ADGRG4: variants seen among roughly 807,000 people sequenced by gnomAD.
The protein encoded by ADGRG4 is adhesion G protein-coupled receptor G4.
ADGRG4 carries 122 observed loss-of-function variants against 126.2 expected under a neutral mutation model. That is an observed-to-expected ratio of 0.97 (90% CI 0.83 to 1.12). The LOEUF (loss-of-function observed/expected upper bound fraction) is 1.12, where lower values mean the gene tolerates loss of function less well. ADGRG4 is among the 50% of genes most tolerant of loss of function. The probability of loss-of-function intolerance (pLI) is 0.00; values close to 1 mark genes in which losing one functional copy is unlikely to be tolerated. For synonymous variants in ADGRG4, 943 were observed against 838.7 expected (o/e 1.12, Z -2.15); for missense variants, 2,481 against 2,251.8 (o/e 1.10, Z -2.06).
At position 136,345,680 on chromosome X, in the gene ADGRG4, T is replaced by C. The variant is rs73633457; in HGVS notation, c.1974T>C (p.Ser658=). The change falls in exon 6 of 26, where the codon TCT becomes TCC. Residue 658 remains serine, a synonymous_variant. Coordinates refer to ENST00000394143, the MANE Select transcript of ADGRG4 (RefSeq NM_153834.4). ...CCAGCAATGAGACCATTTGGACTTC[T>C]AGGCCAGACCAGGCCCTGCTGGCAT... ...LFSSNETIWT[S]RPDQALLASM... is the part of the protein sequence containing the mutation. The C allele has an allele frequency of 1.9e-3, 2,256 of 1,209,660 alleles. 40 individuals are homozygous for C. In the African/African-American group the frequency reaches 0.035, roughly 19 times the overall value.
chrX:136,346,004 G>A lies in ADGRG4; in HGVS notation c.2298G>A (p.Met766Ile). 2 of 1,207,563 alleles carry A rather than the reference G, an allele frequency of 1.7e-6. No homozygotes were observed. Among genetic ancestry groups the A allele is most frequent in the Non-Finnish European group, 2.2e-6 (2 of 892,597 alleles). The change falls in exon 6 of 26, where the codon ATG (methionine) becomes ATA (isoleucine). Residue 766 changes from methionine to isoleucine, a missense_variant. Transcript: ENST00000394143. Reference sequence around the variant, plus strand: ...CTTTACTACTAAAAACAATACCTATGTCTACAAAACCTGCAAATGAACTTC... The same window carrying A: ...CTTTACTACTAAAAACAATACCTATATCTACAAAACCTGCAAATGAACTTC... ...LTTLLLKTIP[M>I]STKPANELPL...
At position 136,357,854 on chromosome X, in the gene ADGRG4, CAGA is replaced by C. The variant is rs2075103695; in HGVS notation, c.6980+105_6980+107del. Reference sequence around the variant, plus strand: ...TGTGCGGCCAGTTGGCCAGAGTTGTCAGAAGAAGATCAAAGTACCCAGTGATTA... The same window carrying C: ...TGTGCGGCCAGTTGGCCAGAGTTGTCAGAAGATCAAAGTACCCAGTGATTA... On this transcript the variant is annotated intron_variant, in intron 10 of 25. Transcript: ENST00000394143. 3 of 564,696 alleles carry C rather than the reference CAGA, an allele frequency of 5.3e-6. No individual in the cohort carries two copies. In the South Asian group the frequency reaches 8.7e-5, roughly 16 times the overall value. 46.5% of individuals were successfully genotyped at this position (564,696 alleles called of 1,213,427 possible). A position where few individuals can be genotyped will look rare whatever the true frequency, so the allele number is the denominator to read the frequency against.
rs1360962887 is a variant in ADGRG4, at chrX:136,397,989, T to C, written c.8293T>C (p.Tyr2765His). ...SIFLGVAVVTYIAFHKLRKDY... is the reference protein window; with the variant it reads ...SIFLGVAVVTHIAFHKLRKDY... ...TTTTCTGGGAGTTGCAGTGGTGACA[T>C]ACATAGCTTTTCAGTAAGTTGATAC... Residue 2765 changes from tyrosine (Y) to histidine (H), a missense_variant, in exon 20 of 26, where the codon TAC becomes CAC. Tyr to His is a moderately conservative substitution (Grantham distance 83, BLOSUM62 2). Transcript: ENST00000394143. 1 of 1,208,229 alleles carries C rather than the reference T, an allele frequency of 8.3e-7. No individual in the cohort carries two copies. Among genetic ancestry groups the C allele is most frequent in the Admixed American group, 2.2e-5 (1 of 46,040 alleles).
chrX:136,344,239 G>A (rs2074996818), intron 5 of ADGRG4, among the ~76,000 whole-genome samples, 153 bp from the exon 6 acceptor site: 2 of 111,605 alleles, frequency 1.8e-5, no homozygotes, highest in Admixed American at 9.5e-5. Context: ...TTAGAGAGTA[G>A]AAAATTATCT....
At chrX:136,325,718 T>TC (rs1169757969) in intron 5 of ADGRG4, among the ~76,000 whole-genome samples, 2 of 106,402 alleles carry the variant, frequency 1.9e-5, no homozygotes, top group African/African-American at 6.8e-5. Context: ...ACACTTTTTT[T>TC]TTTTTTTTTT....
Position 136,353,321 on chromosome X carries a change from T to C in ADGRG4, c.6823-16T>C, listed in dbSNP as rs374452397. 479 of 1,145,869 alleles carry C rather than the reference T, an allele frequency of 4.2e-4. No individual in the cohort carries two copies. Among genetic ancestry groups the C allele is most frequent in the Non-Finnish European group, 5.4e-4 (453 of 839,592 alleles). 94.4% of individuals were successfully genotyped at this position (1,145,869 alleles called of 1,213,427 possible). ...GGAGCAGAATACTAAAACTGATTTTTTTTTGTCTTGTACAGTTGAATTCTA... is the reference window on the plus strand; with the variant it reads ...GGAGCAGAATACTAAAACTGATTTTCTTTTGTCTTGTACAGTTGAATTCTA... On this transcript the variant is annotated splice_polypyrimidine_tract_variant and intron_variant, in intron 7 of 25. Transcript: ENST00000394143.
rs1440358908 is a variant in ADGRG4, at chrX:136,344,948, A to G, written c.1242A>G (p.Thr414=). ...FSTIESTSMS[T]TPCLKQKSTN... ...CTATTGAGTCAACATCTATGTCTAC[A>G]ACACCTTGTCTCAAACAAAAATCCA... The change falls in exon 6 of 26, where the codon ACA becomes ACG. Residue 414 remains threonine (T), a synonymous_variant. Transcript: ENST00000394143. 2 of 1,209,817 alleles carry G rather than the reference A, an allele frequency of 1.7e-6. No individual in the cohort carries two copies. The highest frequency in any genetic ancestry group is 5.9e-5 in the East Asian group (2 of 33,841).
At chrX:136,379,085 G>A (rs779446779) in intron 15 of ADGRG4, among the ~76,000 whole-genome samples, 103 of 111,332 alleles carry the variant, frequency 9.3e-4, no homozygotes, top group African/African-American at 3.0e-3. Context: ...ATGCTTGATA[G>A]GGTTCACTAG....
intron 5 of ADGRG4, among the ~76,000 whole-genome samples, chrX:136,340,167 C>T (rs1164790104): frequency 9.0e-6 from 1 of 111,554 alleles, no homozygotes; most frequent in Non-Finnish European, 1.9e-5. Context: ...ACAATAAGGT[C>T]ACCAATAAAC....
At chrX:136,306,422 G>A (rs1178969886) in intron 3 of ADGRG4, among the ~76,000 whole-genome samples, 1 of 110,060 alleles carries the variant, frequency 9.1e-6, no homozygotes, top group African/African-American at 3.3e-5. Context: ...AATTATGAAA[G>A]TAATGTATGC....
chrX:136,403,339 C>G lies in ADGRG4; in HGVS notation c.8654+17C>G. On this transcript the variant is annotated intron_variant, in intron 22 of 25. Transcript: ENST00000394143. ...AACTCCGTTGTAAGTACCAGCATCT[C>G]TGTTTCTCTGGTGGTGGGGCTCTGG... The G allele has an allele frequency of 8.7e-7, 1 of 1,151,294 alleles. No homozygotes were observed. Among genetic ancestry groups the G allele is most frequent in the Non-Finnish European group, 1.2e-6 (1 of 840,907 alleles). The allele number at this position is 1,151,294 out of a possible 1,213,427, so 94.9% of individuals were successfully genotyped here. A position where few individuals can be genotyped will look rare whatever the true frequency, so the allele number is the denominator to read the frequency against.
chrX:136,323,438 A>G (rs937504759), intron 5 of ADGRG4, 46 bp downstream of exon 5: 1 of 1,124,114 alleles, frequency 8.9e-7, no homozygotes, highest in Non-Finnish European at 1.2e-6. Flanking sequence ...TAGTGTTGAC[A>G]CAGTACTTCT....
chrX:136,348,497 C>T lies in ADGRG4; in HGVS notation c.4791C>T (p.Pro1597=), dbSNP rs749592876. The stretch of plus-strand genomic sequence containing the variant: ...CTACTTTATTGTCTTCAGTTACCCC[C>T]AGGACTACTATGACCATGCAAACAT... ...LFSTLLSSVT[P]RTTMTMQTST... is the part of the protein sequence containing the mutation. Residue 1597 remains proline (P), a synonymous_variant, in exon 6 of 26, where the codon CCC becomes CCT. Coordinates refer to ENST00000394143, the MANE Select transcript of ADGRG4 (RefSeq NM_153834.4). 8.3e-7 allele frequency: 1 copy of T among 1,209,621 alleles called. No individual in the cohort carries two copies. The highest frequency in any genetic ancestry group is 1.8e-5 in the South Asian group (1 of 56,919).
Position 136,332,355 on chromosome X carries a change from A to G in ADGRG4, c.685+8963A>G, listed in dbSNP as rs1406438528. On this transcript the variant is annotated intron_variant, in intron 5 of 25. Transcript: ENST00000394143. ...TGAACTCATCATTTTTTATGGCTGC[A>G]TAGTATTCCATGGTGTATATGTGCC... Among the ~76,000 whole-genome samples, 6 of 103,987 alleles carry G rather than the reference A, an allele frequency of 5.8e-5. No homozygotes were observed. In the South Asian group the frequency reaches 2.9e-3, roughly 50 times the overall value. The allele number at this position is 103,987 out of a possible 115,157, so 90.3% of individuals were successfully genotyped here.
intron 15 of ADGRG4, among the ~76,000 whole-genome samples, chrX:136,381,601 T>A (rs1047746017): frequency 9.0e-6 from 1 of 111,360 alleles, no homozygotes; most frequent in African/African-American, 3.3e-5. Flanking sequence ...ATAATTTCAA[T>A]CCATTTACAT....
intron 15 of ADGRG4, among the ~76,000 whole-genome samples, chrX:136,376,639 TATTG>T (rs1569331911): frequency 0.019 from 1,846 of 95,998 alleles, 20 homozygotes; most frequent in African/African-American, 0.035. Context: ...TATTGTATTG[TATTG>T]TATTGTATTG....
chrX:136,363,593 A>G lies in ADGRG4; in HGVS notation c.7394A>G (p.Asp2465Gly). The change falls in exon 13 of 26, where the codon GAT (aspartate) becomes GGT (glycine). Residue 2465 changes from aspartate to glycine, a missense_variant and splice_region_variant. Asp to Gly is a moderately conservative substitution (Grantham distance 94). Transcript: ENST00000394143. Reference protein sequence around the residue: ...IVDLANITISDENAEDVAEHI... With the variant: ...IVDLANITISGENAEDVAEHI... The stretch of plus-strand genomic sequence containing the variant: ...GATCTTGCTAATATTACCATAAGTG[A>G]TGGTAAGATTGTTTTGTACATATAA... The G allele has an allele frequency of 9.2e-7, 1 of 1,082,610 alleles. No homozygotes were observed. Among genetic ancestry groups the G allele is most frequent in the South Asian group, 1.8e-5 (1 of 54,115 alleles). 89.2% of individuals were successfully genotyped at this position (1,082,610 alleles called of 1,213,427 possible). A position where few individuals can be genotyped will look rare whatever the true frequency, so the allele number is the denominator to read the frequency against.
intron 13 of ADGRG4, among the ~76,000 whole-genome samples, chrX:136,367,568 T>C (rs2075167160): frequency 8.9e-6 from 1 of 112,058 alleles, no homozygotes; most frequent in Non-Finnish European, 1.9e-5. Flanking sequence ...AGTCATTTTA[T>C]ATATATAAAA....
chrX:136,355,079 T>C (rs2075085155), intron 8 of ADGRG4, among the ~76,000 whole-genome samples: 1 of 111,627 alleles, frequency 9.0e-6, no homozygotes, highest in African/African-American at 3.3e-5. Context: ...TTGGGGCAGG[T>C]GAAAGGAGGG....
Sources: gnomAD v4.1 joint callset for allele counts (sites outside exome capture counted in the v4.1 genomes callset) on GRCh38, gnomAD v4.1.1 for gene constraint, MANE v1.5 for transcripts, NCBI Gene and HGNC (gene_info 2026-07-23, HGNC 2026-07-21) for gene names.